Variants in LRP1B observed in about 807,000 individuals in gnomAD.
LRP1B encodes the protein LDL receptor related protein 1B.
In LRP1B, 217 loss-of-function variants were observed where a neutral mutation model predicts 556.6. The observed-to-expected ratio is 0.39, with a 90% CI of 0.35 to 0.44. The LOEUF is 0.44. Ranked by LOEUF, LRP1B falls within the 20% of genes least tolerant of loss-of-function variation. The pLI, the probability that LRP1B is intolerant of heterozygous loss-of-function variation, is 1.00. For synonymous variants in LRP1B, 2,047 were observed against 1,865.8 expected, an observed-to-expected ratio of 1.10 and a Z score of -2.50; for missense variants, 5,053 against 5,620.8, an observed-to-expected ratio of 0.90 and a Z score of 3.23.
chr2:142,065,766 T>C (rs936481849), intron 1 of LRP1B, among the ~76,000 whole-genome samples: 2 of 151,312 alleles, frequency 1.3e-5, no homozygotes, highest in Non-Finnish European at 3.0e-5. Flanking sequence ...ATTCCAAAAT[T>C]TTCCAAATTT....
At chr2:140,584,809 A>T (rs1270524681) in intron 43 of LRP1B, among the ~76,000 whole-genome samples, 12 of 152,256 alleles carry the variant, frequency 7.9e-5, no homozygotes, top group African/African-American at 2.2e-4. Context: ...TTCCTATCTT[A>T]CTGGATAGGA....
chr2:140,657,566 C>CAT (rs1684925192), intron 41 of LRP1B, among the ~76,000 whole-genome samples: 1 of 144,964 alleles, frequency 6.9e-6, no homozygotes, highest in Admixed American at 7.0e-5. Flanking sequence ...TATATATATA[C>CAT]ACATACATAC....
At chr2:141,825,831 C>T (rs987045800) in intron 1 of LRP1B, among the ~76,000 whole-genome samples, 1 of 151,986 alleles carries the variant, frequency 6.6e-6, no homozygotes, top group African/African-American at 2.4e-5. Flanking sequence ...AAGAGGTAAC[C>T]ATAAGGACCC....
chr2:140,840,597 T>G (rs1029848285), intron 30 of LRP1B, among the ~76,000 whole-genome samples: 1 of 152,318 alleles, frequency 6.6e-6, no homozygotes, highest in Non-Finnish European at 1.5e-5. Context: ...ATGTAGCACA[T>G]GCATTTTTAA....
At chr2:141,422,179 G>A (rs182471789) in intron 3 of LRP1B, among the ~76,000 whole-genome samples, 46 of 152,162 alleles carry the variant, frequency 3.0e-4, no homozygotes, top group African/African-American at 1.1e-3. Flanking sequence ...ATAACAAAAG[G>A]CAAATGAGTT....
chr2:141,399,292 A>G (rs1181407768), intron 3 of LRP1B, among the ~76,000 whole-genome samples: 4 of 152,070 alleles, frequency 2.6e-5, no homozygotes, highest in Non-Finnish European at 5.9e-5. Flanking sequence ...ATCTCATTTT[A>G]ATGTTAAAAT....
chr2:140,788,909 G>GATGTACAC (rs1690006633), intron 32 of LRP1B, among the ~76,000 whole-genome samples: 1 of 152,154 alleles, frequency 6.6e-6, no homozygotes, highest in Non-Finnish European at 1.5e-5. Flanking sequence ...AGACCATAGT[G>GATGTACAC]ATGTACACAC....
At chr2:141,869,930 GAGGA>G (rs1415370541) in intron 1 of LRP1B, among the ~76,000 whole-genome samples, 5 of 152,016 alleles carry the variant, frequency 3.3e-5, no homozygotes, top group Admixed American at 3.3e-4. Context: ...ATGAAAAAAT[GAGGA>G]AGAGAAGTTT....
At chr2:140,432,196 T>C (rs1417131062) in intron 66 of LRP1B, among the ~76,000 whole-genome samples, 1 of 152,152 alleles carries the variant, frequency 6.6e-6, no homozygotes, top group Non-Finnish European at 1.5e-5. Flanking sequence ...ACTGAGCACC[T>C]TGTGACCCCC....
intron 41 of LRP1B, among the ~76,000 whole-genome samples, chr2:140,616,257 A>G (rs1574147097): frequency 6.6e-6 from 1 of 152,022 alleles, no homozygotes; most frequent in Non-Finnish European, 1.5e-5. Flanking sequence ...GAGGAAAACA[A>G]TATGAAACAA....
intron 83 of LRP1B, among the ~76,000 whole-genome samples, chr2:140,314,340 A>G (rs751183541): frequency 1.3e-5 from 2 of 152,052 alleles, no homozygotes; most frequent in Non-Finnish European, 2.9e-5. Context: ...ATATGTTTCT[A>G]TGTTCATTTA....
intron 2 of LRP1B, among the ~76,000 whole-genome samples, chr2:141,493,460 G>A (rs566919949): frequency 6.6e-6 from 1 of 152,226 alleles, no homozygotes; most frequent in Non-Finnish European, 1.5e-5. Flanking sequence ...GAAATATACT[G>A]TACAGGTCAT....
chr2:141,172,707 T>C (rs937904091), intron 7 of LRP1B, among the ~76,000 whole-genome samples: 4 of 152,152 alleles, frequency 2.6e-5, no homozygotes, highest in Middle Eastern at 3.4e-3. Flanking sequence ...GGCTGATAAA[T>C]AGAATCTGAT....
chr2:140,843,413 C>T (rs1486831472), intron 29 of LRP1B, among the ~76,000 whole-genome samples: 1 of 151,850 alleles, frequency 6.6e-6, no homozygotes, highest in Non-Finnish European at 1.5e-5. Context: ...CTTCACTTGC[C>T]CCAAGGTATT....
intron 32 of LRP1B, among the ~76,000 whole-genome samples, chr2:140,810,225 T>G (rs1690871858): frequency 6.6e-6 from 1 of 152,142 alleles, no homozygotes; most frequent in Non-Finnish European, 1.5e-5. Context: ...ATAGCTTTAG[T>G]ATAAACTACT....
At chr2:142,066,489 TC>T (rs1357996065) in intron 1 of LRP1B, among the ~76,000 whole-genome samples, 2 of 151,416 alleles carry the variant, frequency 1.3e-5, no homozygotes, top group Non-Finnish European at 3.0e-5. Flanking sequence ...GGGTACTCTC[TC>T]CCCCTCTCAA....
intron 3 of LRP1B, among the ~76,000 whole-genome samples, chr2:141,455,540 A>G (rs1681599757): frequency 6.6e-6 from 1 of 151,520 alleles, no homozygotes; most frequent in Admixed American, 6.6e-5. Flanking sequence ...TGAAGCCAGT[A>G]AGAAACTACA....
At chr2:141,946,444 T>C (rs778987763) in intron 1 of LRP1B, among the ~76,000 whole-genome samples, 1 of 152,074 alleles carries the variant, frequency 6.6e-6, no homozygotes, top group African/African-American at 2.4e-5. Flanking sequence ...TAGACGTGAA[T>C]GAGATTAGGT....
At chr2:141,113,865 C>A (rs1700814635) in intron 7 of LRP1B, among the ~76,000 whole-genome samples, 1 of 152,126 alleles carries the variant, frequency 6.6e-6, no homozygotes, top group African/African-American at 2.4e-5. Context: ...TTAGGACACT[C>A]AGATACAAAG....
Sources: allele counts gnomAD v4.1 joint callset (sites outside exome capture counted in the v4.1 genomes callset), GRCh38; gene constraint gnomAD v4.1.1; transcripts MANE v1.5; gene names NCBI Gene and HGNC (gene_info 2026-07-23, HGNC 2026-07-21).